Variants in KIF21A observed in about 807,000 individuals in gnomAD.
KIF21A encodes kinesin-like protein KIF21A.
In KIF21A, 114 loss-of-function variants were observed where a neutral mutation model predicts 202.9. That is an observed-to-expected ratio of 0.56 (90% CI 0.48 to 0.66). KIF21A has a LOEUF of 0.66. KIF21A is among the 30% of genes least tolerant of loss of function. The probability of loss-of-function intolerance (pLI) is 0.00; values close to 1 mark genes in which losing one functional copy is unlikely to be tolerated. For synonymous variants in KIF21A, 667 were observed against 670.8 expected, an observed-to-expected ratio of 0.99 and a Z score of 0.09; for missense variants, 1,677 against 1,994.9, an observed-to-expected ratio of 0.84 and a Z score of 3.04.
chr12:39,385,097 T>A (rs892533305), intron 1 of KIF21A, among the ~76,000 whole-genome samples: 1 of 152,160 alleles, frequency 6.6e-6, no homozygotes, highest in African/African-American at 2.4e-5. Context: ...AGGTACTATT[T>A]AACTCGAGCA....
chr12:39,306,707 A>G (rs547681603), intron 34 of KIF21A, among the ~76,000 whole-genome samples: 1 of 152,270 alleles, frequency 6.6e-6, no homozygotes, highest in African/African-American at 2.4e-5. Context: ...TTTATTCTCC[A>G]TTATAAGATG....
At chr12:39,317,092 A>G (rs1264149151) in intron 29 of KIF21A, among the ~76,000 whole-genome samples, 1 of 152,188 alleles carries the variant, frequency 6.6e-6, no homozygotes, top group African/African-American at 2.4e-5. Context: ...ACACAGGAAA[A>G]TATTTACCTA....
chr12:39,326,241 A>G, intron 25 of KIF21A, 23 bp downstream of exon 25: 1 of 1,535,390 alleles, frequency 6.5e-7, no homozygotes, highest in Non-Finnish European at 9.0e-7. Flanking sequence ...AGTCAACTCT[A>G]TTGTTTCTAA....
At chr12:39,398,987 G>C (rs934132525) in intron 1 of KIF21A, among the ~76,000 whole-genome samples, 1 of 152,104 alleles carries the variant, frequency 6.6e-6, no homozygotes, top group African/African-American at 2.4e-5. Context: ...ACTTTGGGAG[G>C]CTGAGGCAGG....
Position 39,322,846 on chromosome 12 carries a change from A to G in KIF21A, c.3493T>C (p.Tyr1165His), listed in dbSNP as rs761003662. 1 of 1,611,494 alleles carries G rather than the reference A, an allele frequency of 6.2e-7. No homozygotes were observed. Among genetic ancestry groups the G allele is most frequent in the South Asian group, 1.1e-5 (1 of 90,714 alleles). ...RRTTTQMELL[Y>H]ADSSELASDT... ...GAAGCTAGTTCACTGCTATCTGCATACAGCAATTCCATCTGAGTGGTGGTT... is the reference window on the plus strand; with the variant it reads ...GAAGCTAGTTCACTGCTATCTGCATGCAGCAATTCCATCTGAGTGGTGGTT... The change falls in exon 27 of 38, where the codon TAT (tyrosine) becomes CAT (histidine). Residue 1165 changes from tyrosine (Y) to histidine (H), a missense_variant. By Grantham distance (83) the Tyr-to-His change is moderately conservative. Coordinates refer to ENST00000361418, the MANE Select transcript of KIF21A (RefSeq NM_001173464.2).
Position 39,442,347 on chromosome 12 carries a change from G to C in KIF21A, c.44+580C>G, listed in dbSNP as rs751861710. Among the ~76,000 whole-genome samples, 1 of 152,046 alleles carries C rather than the reference G, an allele frequency of 6.6e-6. No homozygotes were observed. The highest frequency in any genetic ancestry group is 1.5e-5 in the Non-Finnish European group (1 of 68,006). On this transcript the variant is annotated intron_variant, in intron 1 of 37. Transcript: ENST00000361418. This position sits in a 1 kb window ranked among gnomAD's most constrained non-coding sequence, Gnocchi z 5.0. ...AGATCTGTCTCCTCTACCCACACGC[G>C]GGGGCATGTCTAGATCCCCGTGATG...
intron 1 of KIF21A, among the ~76,000 whole-genome samples, chr12:39,431,720 A>G (rs1937936758): frequency 6.6e-6 from 1 of 152,248 alleles, no homozygotes; most frequent in South Asian, 2.1e-4. Context: ...TATAAAGTTA[A>G]TAAAAAATTT....
chr12:39,361,650 C>T (rs889378452), intron 7 of KIF21A, among the ~76,000 whole-genome samples: 13 of 145,684 alleles, frequency 8.9e-5, no homozygotes, highest in African/African-American at 2.3e-4. Flanking sequence ...GGACTACAGG[C>T]GCCCGCCACC....
chr12:39,323,872 A>G (rs902510728), intron 26 of KIF21A, among the ~76,000 whole-genome samples: 5 of 152,152 alleles, frequency 3.3e-5, no homozygotes, highest in African/African-American at 4.8e-5. Context: ...GCACTTTGGG[A>G]GGCCGAGGCA....
At chr12:39,404,035 A>G (rs1222866300) in intron 1 of KIF21A, among the ~76,000 whole-genome samples, 1 of 152,198 alleles carries the variant, frequency 6.6e-6, no homozygotes. Flanking sequence ...TGGGTTTAGA[A>G]ATCCACATAT....
chr12:39,340,803 A>C, intron 15 of KIF21A, 103 bp downstream of exon 15: 1 of 793,562 alleles, frequency 1.3e-6, no homozygotes, highest in East Asian at 2.7e-5. Flanking sequence ...ATAACAAAAA[A>C]GGGTTTAATA....
At chr12:39,303,759 G>A (rs1042202893) in intron 35 of KIF21A, among the ~76,000 whole-genome samples, 9 of 151,880 alleles carry the variant, frequency 5.9e-5, no homozygotes, top group Admixed American at 2.6e-4. Context: ...CTGCAGTCCC[G>A]GAGGTCATCT....
chr12:39,426,733 A>G (rs1225382047), intron 1 of KIF21A, among the ~76,000 whole-genome samples: 1 of 151,472 alleles, frequency 6.6e-6, no homozygotes, highest in Non-Finnish European at 1.5e-5. Context: ...AAAAAAAAAA[A>G]AATAGCTGGG....
intron 28 of KIF21A, among the ~76,000 whole-genome samples, chr12:39,319,549 G>A (rs1164108816): frequency 6.6e-6 from 1 of 152,142 alleles, no homozygotes; most frequent in Admixed American, 6.5e-5. Context: ...ACATGGCAAT[G>A]ACGGTCAAAA....
chr12:39,320,338 A>G (rs908950581), intron 27 of KIF21A, among the ~76,000 whole-genome samples: 1 of 152,176 alleles, frequency 6.6e-6, no homozygotes, highest in Admixed American at 6.5e-5. Flanking sequence ...TAATTATTTC[A>G]GATGAAGAAA....
intron 37 of KIF21A, among the ~76,000 whole-genome samples, chr12:39,296,443 T>C (rs1942380542): frequency 6.6e-6 from 1 of 152,162 alleles, no homozygotes; most frequent in Non-Finnish European, 1.5e-5. Flanking sequence ...ATCATATACT[T>C]TAGCAAAAGG....
At chr12:39,298,189 T>C (rs1044943342) in intron 37 of KIF21A, among the ~76,000 whole-genome samples, 2 of 152,038 alleles carry the variant, frequency 1.3e-5, no homozygotes, top group Non-Finnish European at 2.9e-5. Flanking sequence ...CTGGAAGCAT[T>C]TTCCACACCA....
intron 1 of KIF21A, among the ~76,000 whole-genome samples, chr12:39,397,240 T>C (rs896345451): frequency 2.0e-5 from 3 of 152,208 alleles, no homozygotes; most frequent in Non-Finnish European, 4.4e-5. Flanking sequence ...TTATAATGCA[T>C]AGCATAATGT....
rs1308921763 is a variant in KIF21A at position 39,358,200 on chromosome 12, A to C, written c.1193T>G (p.Met398Arg). ...ALRSEITRLQMELMEYKTGKR... is the reference protein window; with the variant it reads ...ALRSEITRLQRELMEYKTGKR... Reference sequence around the variant, plus strand: ...TACTGTTTTGTACTCCATGAGCTCCATCTGAAGTCGTGTGATTTCACTACG... The same window carrying C: ...TACTGTTTTGTACTCCATGAGCTCCCTCTGAAGTCGTGTGATTTCACTACG... The change falls in exon 8 of 38, where the codon ATG (methionine) becomes AGG (arginine). Residue 398 changes from methionine (M) to arginine (R), a missense_variant. Coordinates refer to ENST00000361418, the MANE Select transcript of KIF21A (RefSeq NM_001173464.2). 3 of 1,613,932 alleles carry C rather than the reference A, an allele frequency of 1.9e-6. No homozygotes were observed. Among genetic ancestry groups the C allele is most frequent in the Non-Finnish European group, 2.5e-6 (3 of 1,179,984 alleles).
Sources: allele counts gnomAD v4.1 joint callset (sites outside exome capture counted in the v4.1 genomes callset), GRCh38; gene constraint gnomAD v4.1.1; non-coding constraint Gnocchi (gnomAD v3.1); transcripts MANE v1.5; gene names NCBI Gene and HGNC (gene_info 2026-07-23, HGNC 2026-07-21).